SEMA5B: variants seen among roughly 807,000 people sequenced by gnomAD.
SEMA5B encodes the protein semaphorin-5B.
In SEMA5B, 66 loss-of-function variants were observed where a neutral mutation model predicts 135.0. That is an observed-to-expected ratio of 0.49 (90% CI 0.40 to 0.60). The LOEUF is 0.60. Ranked by LOEUF, SEMA5B falls within the 20% of genes least tolerant of loss-of-function variation. The pLI is 0.00. For missense variants in SEMA5B, 1,501 were observed against 1,566.3 expected (o/e 0.96, Z 0.70); for synonymous variants, 690 against 639.5 (o/e 1.08, Z -1.19).
intron 8 of SEMA5B, 146 bp from the exon 9 acceptor site, chr3:122,926,823 C>A (rs1938661034): frequency 2.4e-6 from 2 of 848,290 alleles, no homozygotes; most frequent in East Asian, 2.7e-5. Flanking sequence ...GGGGCCCTAA[C>A]TAACTCTCTT....
chr3:122,913,008 C>A lies in SEMA5B; in HGVS notation c.2560G>T (p.Gly854Trp), dbSNP rs377628106. The part of the protein sequence containing the change: ...SGSTSPHTVS[G>W]GWAAWGPWSS... ...CACGGGCCCCAGGCGGCCCAGCCCCCGCTCACCGTGTGCGGGGAGGTGCTC... is the reference window on the plus strand; with the variant it reads ...CACGGGCCCCAGGCGGCCCAGCCCCAGCTCACCGTGTGCGGGGAGGTGCTC... Residue 854 changes from glycine to tryptophan, a missense_variant, in exon 18 of 23, where the codon GGG becomes TGG. Coordinates refer to ENST00000357599, the MANE Select transcript of SEMA5B (RefSeq NM_001031702.4). The A allele has an allele frequency of 7.0e-5, 112 of 1,603,144 alleles. 3 individuals carry two copies. The highest frequency in any genetic ancestry group is 2.7e-4 in the East Asian group (12 of 44,280).
In SEMA5B at chr3:122,915,495, G is replaced by A. The variant is rs368408333; in HGVS notation, c.1933C>T (p.Arg645Cys). Reference protein sequence around the residue: ...RARSCDSPRPRCGGLDCLGPA... With the variant: ...RARSCDSPRPCCGGLDCLGPA... ...CCCAGGCAGTCAAGGCCCCCACAGC[G>A]GGGTCGAGGGGAATCACAGGATCGA... The change falls in exon 14 of 23, where the codon CGC (arginine) becomes TGC (cysteine). Residue 645 changes from arginine to cysteine, a missense_variant. Physicochemically the swap from Arg to Cys is radical, Grantham distance 180 (BLOSUM62 -3). Around this residue, in one of 2 missense-constraint regions of SEMA5B, gnomAD observed 927 missense variants for 881.6 expected, o/e 1.05. Transcript: ENST00000357599. 12 of 1,613,894 alleles carry A rather than the reference G, an allele frequency of 7.4e-6. No homozygotes were observed. Among genetic ancestry groups the A allele is most frequent in the South Asian group, 5.5e-5 (5 of 91,036 alleles).
intron 1 of SEMA5B, among the ~76,000 whole-genome samples, chr3:123,026,047 G>A (rs1942790249): frequency 6.6e-6 from 1 of 152,192 alleles, no homozygotes; most frequent in Non-Finnish European, 1.5e-5. Context: ...AGCTGAAGTG[G>A]GGAGGCCGAG....
chr3:122,988,041 A>G (rs75338649), intron 1 of SEMA5B, among the ~76,000 whole-genome samples: 9,022 of 152,042 alleles, frequency 0.059, 595 homozygotes, highest in African/African-American at 0.16. Context: ...TTCAAACCTG[A>G]GCTGCATCAG....
chr3:122,910,008 T>G lies in SEMA5B; in HGVS notation c.*135A>C, dbSNP rs1186998774. 8 of 916,718 alleles carry G rather than the reference T, an allele frequency of 8.7e-6. No homozygotes were observed. The highest frequency in any genetic ancestry group is 1.3e-5 in the Non-Finnish European group (8 of 612,810). The allele number at this position is 916,718 out of a possible 1,614,324, so 56.8% of individuals were successfully genotyped here. A position where few individuals can be genotyped will look rare whatever the true frequency, so the allele number is the denominator to read the frequency against. On this transcript the variant is annotated 3_prime_UTR_variant, in exon 23 of 23. Transcript: ENST00000357599. ...CCAGCCAGAGCTCTCTGAAGCCGGA[T>G]GGGACCCCCCACAGGCAAGGCAGCA...
intron 2 of SEMA5B, among the ~76,000 whole-genome samples, chr3:122,949,554 C>A (rs1015997903): frequency 1.3e-5 from 2 of 152,212 alleles, no homozygotes; most frequent in African/African-American, 4.8e-5. Context: ...AGCCCCTTCC[C>A]AAAGCAAACC....
intron 1 of SEMA5B, among the ~76,000 whole-genome samples, chr3:122,977,518 A>T (rs1253055132): frequency 6.6e-6 from 1 of 152,156 alleles, no homozygotes; most frequent in Non-Finnish European, 1.5e-5. Flanking sequence ...GAGCATCAGG[A>T]TCAGAACCCT....
At chr3:122,969,031 AATAATTTTAATT>A (rs1181590985) in intron 1 of SEMA5B, among the ~76,000 whole-genome samples, 1 of 152,222 alleles carries the variant, frequency 6.6e-6, no homozygotes, top group African/African-American at 2.4e-5. Context: ...TCTGTGCTCG[AATAATTTTAATT>A]ATATCTAAGC....
chr3:122,981,005 A>G (rs988365334), intron 1 of SEMA5B, among the ~76,000 whole-genome samples: 1 of 152,262 alleles, frequency 6.6e-6, no homozygotes, highest in African/African-American at 2.4e-5. Context: ...TATTTTTTAA[A>G]GCACGTCACC....
chr3:122,986,154 T>C (rs906217285), intron 1 of SEMA5B, among the ~76,000 whole-genome samples: 2 of 152,254 alleles, frequency 1.3e-5, no homozygotes, highest in Non-Finnish European at 2.9e-5. Flanking sequence ...TACTGTCCTT[T>C]GTCTTACTCT....
At chr3:122,943,836 A>G (rs1211075829) in intron 3 of SEMA5B, among the ~76,000 whole-genome samples, 3 of 152,066 alleles carry the variant, frequency 2.0e-5, no homozygotes, top group Non-Finnish European at 4.4e-5. Flanking sequence ...ATAAGTACAC[A>G]CTGGTAAATC....
At chr3:122,934,155 C>T (rs1326010827) in intron 5 of SEMA5B, among the ~76,000 whole-genome samples, 3 of 151,412 alleles carry the variant, frequency 2.0e-5, no homozygotes, top group African/African-American at 7.3e-5. Flanking sequence ...GATCCACCCG[C>T]CTCGGCCTCC....
At chr3:122,928,461 C>A in intron 7 of SEMA5B, 56 bp downstream of exon 7, 1 of 1,396,196 alleles carries the variant, frequency 7.2e-7, no homozygotes, top group Non-Finnish European at 9.8e-7. Context: ...TGTGCCTAGG[C>A]AGGAGAACCC....
chr3:122,997,667 C>T (rs144820868), intron 1 of SEMA5B, among the ~76,000 whole-genome samples: 209 of 152,338 alleles, frequency 1.4e-3, no homozygotes, highest in Non-Finnish European at 2.3e-3. Flanking sequence ...TTCCCTCCTC[C>T]CTCCCTCTGC....
intron 5 of SEMA5B, among the ~76,000 whole-genome samples, chr3:122,930,403 G>A (rs1938905686): frequency 6.6e-6 from 1 of 152,340 alleles, no homozygotes; most frequent in East Asian, 1.9e-4. Flanking sequence ...GTGTTCATCT[G>A]GACAGAAACA....
rs139505811 is a variant in SEMA5B at position 122,944,587 on chromosome 3, G to A, written c.329-1052C>T. Among the ~76,000 whole-genome samples, 120 of 152,328 alleles carry A rather than the reference G, an allele frequency of 7.9e-4. 1 individual carries two copies. Among genetic ancestry groups the A allele is most frequent in the Non-Finnish European group, 1.3e-3 (88 of 68,028 alleles). On this transcript the variant is annotated intron_variant, in intron 3 of 22. Coordinates refer to ENST00000357599, the MANE Select transcript of SEMA5B (RefSeq NM_001031702.4). ...CAGACAAGATTCTGCAGAGGTGGGA[G>A]GTGCAGAGATTGGGCGGTCAGTGTC...
intron 14 of SEMA5B, among the ~76,000 whole-genome samples, 183 bp downstream of exon 14, chr3:122,915,257 C>T (rs935885391): frequency 4.6e-5 from 7 of 152,212 alleles, no homozygotes; most frequent in African/African-American, 7.2e-5. Context: ...CTCTCACTAG[C>T]GTGGAAACTC....
chr3:122,989,686 C>T (rs1252726743), intron 1 of SEMA5B, among the ~76,000 whole-genome samples: 1 of 152,252 alleles, frequency 6.6e-6, no homozygotes, highest in Non-Finnish European at 1.5e-5. Flanking sequence ...CAGAGCATTA[C>T]ACCCTAGAGG....
chr3:123,009,322 G>A (rs1156475575), intron 1 of SEMA5B, among the ~76,000 whole-genome samples: 1 of 152,152 alleles, frequency 6.6e-6, no homozygotes, highest in Non-Finnish European at 1.5e-5. Flanking sequence ...GTCTTTAGGC[G>A]AGGGGACTGT....
Sources: allele counts gnomAD v4.1 joint callset (sites outside exome capture counted in the v4.1 genomes callset), GRCh38; gene constraint gnomAD v4.1.1; regional missense constraint gnomAD v4.1.1; transcripts MANE v1.5; gene names NCBI Gene and HGNC (gene_info 2026-07-23, HGNC 2026-07-21).